ZNF441: variants seen among roughly 807,000 people sequenced by gnomAD.
ZNF441 encodes zinc finger protein 441.
ZNF441 carries 25 observed loss-of-function variants against 64.5 expected under a neutral mutation model. The ratio of observed to expected loss-of-function variants is 0.39; its 90% CI spans 0.28 to 0.54. The LOEUF (loss-of-function observed/expected upper bound fraction) is 0.54. Ranked by LOEUF, ZNF441 falls within the 20% of genes least tolerant of loss-of-function variation. The pLI is 0.70. For synonymous variants in ZNF441, 262 were observed against 268.0 expected, an observed-to-expected ratio of 0.98 and a Z score of 0.22; for missense variants, 715 against 843.3, an observed-to-expected ratio of 0.85 and a Z score of 1.88.
At position 11,781,884 on chromosome 19, in the gene ZNF441, A is replaced by C. The variant is rs1003366526; in HGVS notation, c.2060A>C (p.His687Pro). The C allele has an allele frequency of 6.3e-7, 1 of 1,594,774 alleles. No homozygotes were observed. Among genetic ancestry groups the C allele is most frequent in the East Asian group, 2.2e-5 (1 of 44,500 alleles). ...GEAFHCISSF[H>P]KHEMTH ...GCATTTCATTGTATCAGTTCCTTTC[A>C]TAAACATGAAATGACTCACTAGAGA... The change falls in exon 4 of 4, where the codon CAT becomes CCT. Residue 687 changes from histidine (H) to proline (P), a missense_variant. By Grantham distance (77) the His-to-Pro change is moderately conservative (BLOSUM62 -2). Around this residue, in one of 2 missense-constraint regions of ZNF441, gnomAD observed 316 missense variants for 429.3 expected, o/e 0.74. Coordinates refer to ENST00000357901, the MANE Select transcript of ZNF441 (RefSeq NM_152355.3).
At chr19:11,776,251 C>G (rs1975354349) in intron 1 of ZNF441, among the ~76,000 whole-genome samples, 2 of 152,172 alleles carry the variant, frequency 1.3e-5, no homozygotes, top group African/African-American at 4.8e-5. Flanking sequence ...GTTTTCAAGA[C>G]TGGTGCTGAT....
intron 1 of ZNF441, among the ~76,000 whole-genome samples, chr19:11,772,057 C>T (rs1975318325): frequency 6.6e-6 from 1 of 152,216 alleles, no homozygotes; most frequent in African/African-American, 2.4e-5. Flanking sequence ...CTCTGATATG[C>T]AGAAATAATG....
In ZNF441 at chr19:11,775,628, C is replaced by CTT. The variant is rs34732395; in HGVS notation, c.4-1967_4-1966dup. ...ACAGGCATGAGCCACCGCGCCCAGC[C>CTT]TTTTTTTTTTTTTTTTTGTGACGGA... On this transcript the variant is annotated intron_variant, in intron 1 of 3. Transcript: ENST00000357901. 6.6e-3 allele frequency among the ~76,000 whole-genome samples: 729 copies of CTT among 110,636 alleles called. 24 individuals are homozygous for CTT. The highest frequency in any genetic ancestry group is 0.022 in the African/African-American group (564 of 26,152). The allele number at this position is 110,636 out of a possible 152,430, so 72.6% of individuals were successfully genotyped here. A position where few individuals can be genotyped will look rare whatever the true frequency, so the allele number is the denominator to read the frequency against.
Position 11,767,255 on chromosome 19 carries a change from CGGAACCGGCT to C in ZNF441, c.3+61_3+70del. 1 of 1,552,148 alleles carries C rather than the reference CGGAACCGGCT, an allele frequency of 6.4e-7. No homozygotes were observed. Among genetic ancestry groups the C allele is most frequent in the Non-Finnish European group, 8.7e-7 (1 of 1,147,232 alleles). On this transcript the variant is annotated intron_variant, in intron 1 of 3. Coordinates refer to ENST00000357901, the MANE Select transcript of ZNF441 (RefSeq NM_152355.3). This position sits in a 1 kb window ranked among gnomAD's most constrained non-coding sequence, Gnocchi z 5.1. ...AGAGGAGAGACTGGTTGGAACCGGC[CGGAACCGGCT>C]GTGGTGGCACCAGGTCTTCCCCGCC...
chr19:11,781,180 C>A lies in ZNF441; in HGVS notation c.1356C>A (p.Cys452Ter). 1.2e-6 allele frequency: 2 copies of A among 1,606,640 alleles called. No individual in the cohort carries two copies. The highest frequency in any genetic ancestry group is 1.7e-6 in the Non-Finnish European group (2 of 1,177,606). Residue 452 changes from cysteine to a stop codon, truncating the protein, a stop_gained, in exon 4 of 4, where the codon TGC (cysteine) becomes TGA (stop). Transcript: ENST00000357901. LOFTEE classifies it high-confidence loss of function. ...TGERPYKCKQ[C>*]GKAFRSSNYI... ...AGAGACCCTATAAATGTAAACAATG[C>A]GGAAAAGCCTTCAGGTCTTCCAATT...
At chr19:11,779,872 C>CT in intron 3 of ZNF441, 147 bp from the exon 4 acceptor site, 1 of 702,658 alleles carries the variant, frequency 1.4e-6, no homozygotes, top group Admixed American at 3.0e-5. Context: ...GATCACACCA[C>CT]TACACTCCAG....
At chr19:11,770,806 C>G (rs1975307289) in intron 1 of ZNF441, among the ~76,000 whole-genome samples, 1 of 151,860 alleles carries the variant, frequency 6.6e-6, no homozygotes, top group East Asian at 1.9e-4. Context: ...CGAGGCTGGT[C>G]TTGAACTCCT....
In ZNF441 at chr19:11,767,628, G is replaced by T. The variant is rs1444042751; in HGVS notation, c.3+432G>T. Among the ~76,000 whole-genome samples, 2 of 152,202 alleles carry T rather than the reference G, an allele frequency of 1.3e-5. No individual in the cohort carries two copies. Among genetic ancestry groups the T allele is most frequent in the African/African-American group, 4.8e-5 (2 of 41,448 alleles). On this transcript the variant is annotated intron_variant, in intron 1 of 3. Coordinates refer to ENST00000357901, the MANE Select transcript of ZNF441 (RefSeq NM_152355.3). The surrounding 1 kb of genome is among the most constrained non-coding windows in gnomAD (Gnocchi z 5.1). ...GGGTGTGGACAGGGGCGGCTGGGGC[G>T]TGGGGTCGCTGGATGGTGGGGAAGT...
chr19:11,778,740 G>A (rs1599270735), intron 3 of ZNF441, among the ~76,000 whole-genome samples: 3 of 152,194 alleles, frequency 2.0e-5, no homozygotes, highest in African/African-American at 7.2e-5. Flanking sequence ...TTGCAGGCAT[G>A]AGCCACTGTG....
chr19:11,776,070 C>G (rs1975353120), intron 1 of ZNF441, among the ~76,000 whole-genome samples: 1 of 152,282 alleles, frequency 6.6e-6, no homozygotes, highest in East Asian at 1.9e-4. Flanking sequence ...TGAAGCAGTT[C>G]CTGCCAAGCT....
rs1975409359 is a variant in ZNF441, at chr19:11,782,043, CT to C, written c.*141del. The C allele has an allele frequency of 1.5e-5, 9 of 614,960 alleles. No individual in the cohort carries two copies. The allele number at this position is 614,960 out of a possible 1,614,324, so 38.1% of individuals were successfully genotyped here. A position where few individuals can be genotyped will look rare whatever the true frequency, so the allele number is the denominator to read the frequency against. Reference sequence around the variant, plus strand: ...TAAAACCTTCCATTTTTTTCAGTACCTTTTGAAAACATGACCAAACTCATAC... The same window carrying C: ...TAAAACCTTCCATTTTTTTCAGTACCTTTGAAAACATGACCAAACTCATAC... On this transcript the variant is annotated 3_prime_UTR_variant, in exon 4 of 4. Coordinates refer to ENST00000357901, the MANE Select transcript of ZNF441 (RefSeq NM_152355.3).
chr19:11,774,440 T>C (rs1975339096), intron 1 of ZNF441, among the ~76,000 whole-genome samples: 1 of 152,230 alleles, frequency 6.6e-6, no homozygotes, highest in South Asian at 2.1e-4. Context: ...GTATCAATCA[T>C]ACATTCTATC....
At chr19:11,779,090 G>A (rs1568481283) in intron 3 of ZNF441, among the ~76,000 whole-genome samples, 1 of 152,180 alleles carries the variant, frequency 6.6e-6, no homozygotes, top group Non-Finnish European at 1.5e-5. Flanking sequence ...GGAAGCTGAG[G>A]CAGGAAGACT....
intron 1 of ZNF441, among the ~76,000 whole-genome samples, chr19:11,769,110 A>G (rs28639888): frequency 0.14 from 21,408 of 152,102 alleles, 3,196 homozygotes; most frequent in African/African-American, 0.36. Context: ...GGATCAACCA[A>G]ATTGAAGAAC....
rs1975275232 is a variant in ZNF441 at position 11,767,043 on chromosome 19, AG to A, written c.-150del. 3 of 1,178,350 alleles carry A rather than the reference AG, an allele frequency of 2.5e-6. No homozygotes were observed. In the African/African-American group the frequency reaches 4.6e-5, roughly 18 times the overall value. The allele number at this position is 1,178,350 out of a possible 1,614,324, so 73.0% of individuals were successfully genotyped here. A position where few individuals can be genotyped will look rare whatever the true frequency, so the allele number is the denominator to read the frequency against. ...CCGGAGGAGGGTGCAAGGTTCAAAG[AG>A]CCCGCCGAGTCTTCTCCACGCCCCT... On this transcript the variant is annotated 5_prime_UTR_variant, in exon 1 of 4. Transcript: ENST00000357901. This position sits in a 1 kb window ranked among gnomAD's most constrained non-coding sequence, Gnocchi z 5.1.
intron 1 of ZNF441, among the ~76,000 whole-genome samples, chr19:11,772,375 G>T (rs984984433): frequency 6.6e-6 from 1 of 152,096 alleles, no homozygotes; most frequent in African/African-American, 2.4e-5. Flanking sequence ...GAAACTCACC[G>T]ACCCTGTGGG....
Position 11,780,583 on chromosome 19 carries a change from A to G in ZNF441, c.759A>G (p.Gln253=), listed in dbSNP as rs771732781. 15 of 1,614,076 alleles carry G rather than the reference A, an allele frequency of 9.3e-6. No individual in the cohort carries two copies. The highest frequency in any genetic ancestry group is 5.0e-5 in the Admixed American group (3 of 60,008). Residue 253 remains glutamine, a synonymous_variant, in exon 4 of 4, where the codon CAA becomes CAG. Coordinates refer to ENST00000357901, the MANE Select transcript of ZNF441 (RefSeq NM_152355.3). ...CACACAGTGGAGAGAAACCCTATCA[A>G]TGTAAACAATGTGGGAAAGCCTTCA... ...ERTHSGEKPY[Q]CKQCGKAFSC...
rs1207087911 is a variant in ZNF441, at chr19:11,780,601, A to G, written c.777A>G (p.Lys259=). 1 of 1,614,206 alleles carries G rather than the reference A, an allele frequency of 6.2e-7. No individual in the cohort carries two copies. ...CCTATCAATGTAAACAATGTGGGAA[A>G]GCCTTCAGTTGTTCCTGTTACACTC... The part of the protein sequence containing the change: ...EKPYQCKQCG[K]AFSCSCYTQL... The change falls in exon 4 of 4, where the codon AAA becomes AAG. Residue 259 remains lysine (K), a synonymous_variant. Coordinates refer to ENST00000357901, the MANE Select transcript of ZNF441 (RefSeq NM_152355.3).
Position 11,767,138 on chromosome 19 carries a change from G to C in ZNF441, c.-56G>C. On this transcript the variant is annotated 5_prime_UTR_variant, in exon 1 of 4. Transcript: ENST00000357901. The surrounding 1 kb of genome is among the most constrained non-coding windows in gnomAD (Gnocchi z 5.1). ...TCTGTGGCAGCTTCTGTCTCGCTGG[G>C]ACCCGCACTGACAGCGGGAGGCAGA... is the stretch of plus-strand genomic sequence containing the variant. 6.4e-7 allele frequency: 1 copy of C among 1,553,194 alleles called. No homozygotes were observed. Among genetic ancestry groups the C allele is most frequent in the Non-Finnish European group, 8.7e-7 (1 of 1,147,960 alleles).
Sources: allele counts gnomAD v4.1 joint callset (sites outside exome capture counted in the v4.1 genomes callset), GRCh38; gene constraint gnomAD v4.1.1; regional missense constraint gnomAD v4.1.1; non-coding constraint Gnocchi (gnomAD v3.1); transcripts MANE v1.5; gene names NCBI Gene and HGNC (gene_info 2026-07-23, HGNC 2026-07-21).